Variants in CTPS1 observed in about 807,000 individuals in gnomAD.
The protein encoded by CTPS1 is CTP synthase 1, also known as CTP synthetase 1.
In CTPS1, 25 loss-of-function variants were observed where a neutral mutation model predicts 80.5. The observed-to-expected ratio is 0.31, with a 90% CI of 0.23 to 0.43. The LOEUF (loss-of-function observed/expected upper bound fraction) is 0.43, where lower values mean the gene tolerates loss of function less well. Among genes scored for constraint, CTPS1 ranks in the 20% least tolerant of loss-of-function variants. CTPS1 has a pLI of 1.00. For missense variants in CTPS1, 442 were observed against 725.7 expected, an observed-to-expected ratio of 0.61 and a Z score of 4.49; for synonymous variants, 267 against 252.5, an observed-to-expected ratio of 1.06 and a Z score of -0.54.
chr1:40,988,729 G>A lies in CTPS1; in HGVS notation c.555+19G>A, dbSNP rs766042785. 6.5e-7 allele frequency: 1 copy of A among 1,543,364 alleles called. No individual in the cohort carries two copies. Among genetic ancestry groups the A allele is most frequent in the Non-Finnish European group, 9.0e-7 (1 of 1,116,014 alleles). On this transcript the variant is annotated intron_variant, in intron 5 of 18. Transcript: ENST00000650070. Reference sequence around the variant, plus strand: ...TCCCCAGGTAAGTAAGACATTGAAAGTTTTACTTTGGGGGAGATGGAGAGG... The same window carrying A: ...TCCCCAGGTAAGTAAGACATTGAAAATTTTACTTTGGGGGAGATGGAGAGG...
intron 12 of CTPS1, 66 bp downstream of exon 12, chr1:41,003,242 T>TG: frequency 6.4e-7 from 1 of 1,567,936 alleles, no homozygotes; most frequent in South Asian, 1.1e-5. Context: ...TGAGGCCTGT[T>TG]GCCGCCTGGG....
At chr1:40,980,355 C>T (rs1651820908) in intron 1 of CTPS1, 1 of 152,194 alleles carries the variant, frequency 6.6e-6, no homozygotes, top group Non-Finnish European at 1.5e-5. Context: ...ACGAGGGGGC[C>T]TGCGAACTCG....
chr1:40,992,877 A>G (rs1642651464), intron 7 of CTPS1, among the ~76,000 whole-genome samples: 1 of 151,702 alleles, frequency 6.6e-6, no homozygotes. Context: ...TATTTTTAGT[A>G]GAGATGGGGT....
intron 11 of CTPS1, among the ~76,000 whole-genome samples, chr1:41,002,682 G>C (rs1642931521): frequency 6.6e-6 from 1 of 152,070 alleles, no homozygotes; most frequent in Non-Finnish European, 1.5e-5. Context: ...AAGAAAACTT[G>C]AATTTTAAAG....
chr1:41,004,913 G>C lies in CTPS1; in HGVS notation c.1253-1138G>C, dbSNP rs1642995340. Reference sequence around the variant, plus strand: ...GGAGGCTGAGTTGGGTTAATCACTTGAGGCCAGGAGGTCGAGACCAGCCTG... The same window carrying C: ...GGAGGCTGAGTTGGGTTAATCACTTCAGGCCAGGAGGTCGAGACCAGCCTG... On this transcript the variant is annotated intron_variant, in intron 12 of 18. Coordinates refer to ENST00000650070, the MANE Select transcript of CTPS1 (RefSeq NM_001905.4). 2.0e-5 allele frequency among the ~76,000 whole-genome samples: 3 copies of C among 152,136 alleles called. No homozygotes were observed. The South Asian group carries it at 6.2e-4, about 32-fold the overall frequency.
chr1:41,011,423 G>A (rs1643170626), intron 18 of CTPS1, among the ~76,000 whole-genome samples: 1 of 152,210 alleles, frequency 6.6e-6, no homozygotes, highest in South Asian at 2.1e-4. Context: ...GTTACGAGGT[G>A]CTGTGGAGAA....
At chr1:40,996,121 G>T (rs529470065) in intron 8 of CTPS1, 53 bp downstream of exon 8, 1 of 1,605,224 alleles carries the variant, frequency 6.2e-7, no homozygotes, top group East Asian at 2.2e-5. Flanking sequence ...TCTTTTGTAG[G>T]GCTGGTGAAG....
intron 2 of CTPS1, among the ~76,000 whole-genome samples, chr1:40,983,909 T>C (rs1348483861): frequency 6.6e-6 from 1 of 152,212 alleles, no homozygotes; most frequent in Non-Finnish European, 1.5e-5. Flanking sequence ...CCCGACTGCC[T>C]TTTACTTCTT....
At chr1:40,980,211 C>T (rs1486439505) in intron 1 of CTPS1, 4 of 151,874 alleles carry the variant, frequency 2.6e-5, no homozygotes, top group Non-Finnish European at 5.9e-5. Context: ...CCCCCCCACA[C>T]CCTCCGCCCT....
At chr1:40,990,034 AG>A (rs1642560957) in intron 5 of CTPS1, among the ~76,000 whole-genome samples, 1 of 152,162 alleles carries the variant, frequency 6.6e-6, no homozygotes, top group African/African-American at 2.4e-5. Flanking sequence ...TCTGAACCCC[AG>A]GGGTCAGCAA....
At chr1:41,006,346 G>T (rs1368778059) in intron 13 of CTPS1, among the ~76,000 whole-genome samples, 1 of 152,218 alleles carries the variant, frequency 6.6e-6, no homozygotes, top group Non-Finnish European at 1.5e-5. Flanking sequence ...GGGGATTCCT[G>T]ATTAAAATTC....
intron 11 of CTPS1, among the ~76,000 whole-genome samples, chr1:41,002,763 T>C (rs575250488): frequency 3.3e-5 from 5 of 152,280 alleles, no homozygotes; most frequent in African/African-American, 1.2e-4. Context: ...GGAGGGTTGC[T>C]GGATCCCAGA....
chr1:41,010,104 G>A lies in CTPS1; in HGVS notation c.1692-57G>A, dbSNP rs1643132013. The A allele has an allele frequency of 8.8e-6, 11 of 1,243,900 alleles. No individual in the cohort carries two copies. The South Asian group carries it at 9.9e-5, about 11-fold the overall frequency. The allele number at this position is 1,243,900 out of a possible 1,614,324, so 77.1% of individuals were successfully genotyped here. A position where few individuals can be genotyped will look rare whatever the true frequency, so the allele number is the denominator to read the frequency against. ...TGTAGGAACCGTGGTTACAAAAACAGGGACGTAAAGTGAGTTTTTGGTGGG... is the reference window on the plus strand; with the variant it reads ...TGTAGGAACCGTGGTTACAAAAACAAGGACGTAAAGTGAGTTTTTGGTGGG... On this transcript the variant is annotated intron_variant, in intron 17 of 18. Coordinates refer to ENST00000650070, the MANE Select transcript of CTPS1 (RefSeq NM_001905.4).
chr1:41,007,298 A>G lies in CTPS1; in HGVS notation c.1297-151A>G. 1 of 661,452 alleles carries G rather than the reference A, an allele frequency of 1.5e-6. No individual in the cohort carries two copies. 41.0% of individuals were successfully genotyped at this position (661,452 alleles called of 1,614,324 possible). ...ACCGAGGTTACAAATGCCAACTGGG[A>G]GGCATTTTCTTCTGTGACAAAATGT... On this transcript the variant is annotated intron_variant, in intron 13 of 18. Coordinates refer to ENST00000650070, the MANE Select transcript of CTPS1 (RefSeq NM_001905.4). This position sits in a 1 kb window ranked among gnomAD's most constrained non-coding sequence, Gnocchi z 4.4.
At chr1:41,008,762 G>A (rs541904562) in intron 15 of CTPS1, 32 bp from the exon 16 acceptor site, 2 of 1,613,580 alleles carry the variant, frequency 1.2e-6, no homozygotes, top group East Asian at 2.2e-5. Flanking sequence ...TGAGCTGAGA[G>A]ACCAGCAGAA....
rs1371862767 is a variant in CTPS1 at position 41,002,260 on chromosome 1, G to T, written c.1189+6G>T. ...TCAGAAAAAGCCTTTTTTGGGTAAG[G>T]AGCTCTGCAGTGCAGTCTTCACTTA... On this transcript the variant is annotated splice_donor_region_variant and intron_variant, in intron 11 of 18. Coordinates refer to ENST00000650070, the MANE Select transcript of CTPS1 (RefSeq NM_001905.4). 1 of 1,611,772 alleles carries T rather than the reference G, an allele frequency of 6.2e-7. No homozygotes were observed. The highest frequency in any genetic ancestry group is 8.5e-7 in the Non-Finnish European group (1 of 1,177,960).
intron 12 of CTPS1, among the ~76,000 whole-genome samples, chr1:41,005,236 G>A (rs1348043615): frequency 6.6e-6 from 1 of 152,042 alleles, no homozygotes; most frequent in African/African-American, 2.4e-5. Context: ...CCTGAGGTCA[G>A]GAGTTCGAGA....
intron 18 of CTPS1, 143 bp from the exon 19 acceptor site, chr1:41,011,515 C>T (rs1031498926): frequency 1.3e-5 from 2 of 152,138 alleles, no homozygotes; most frequent in African/African-American, 4.8e-5. Flanking sequence ...ATAAATTTAG[C>T]GTCTAATTAT....
intron 3 of CTPS1, among the ~76,000 whole-genome samples, chr1:40,985,531 A>G (rs937623257): frequency 6.6e-6 from 1 of 152,148 alleles, no homozygotes; most frequent in Non-Finnish European, 1.5e-5. Flanking sequence ...GGGGTTTTGT[A>G]CAAACATTCA....
Sources: gnomAD v4.1 joint callset for allele counts (sites outside exome capture counted in the v4.1 genomes callset) on GRCh38, gnomAD v4.1.1 for gene constraint, Gnocchi (gnomAD v3.1) non-coding constraint, MANE v1.5 for transcripts, NCBI Gene and HGNC (gene_info 2026-07-23, HGNC 2026-07-21) for gene names.